The following CYP27A1 variants were observed in gnomAD, a reference collection of about 807,000 sequenced individuals.
CYP27A1 encodes sterol 26-hydroxylase, mitochondrial.
In CYP27A1, 46 loss-of-function variants were observed where a neutral mutation model predicts 58.2. The observed-to-expected ratio is 0.79, with a 90% CI of 0.62 to 1.01. The LOEUF (loss-of-function observed/expected upper bound fraction) is 1.01, where lower values mean the gene tolerates loss of function less well. Ranked by LOEUF, CYP27A1 falls within the 50% of genes least tolerant of loss-of-function variation. The probability of loss-of-function intolerance (pLI) is 0.00; values close to 1 mark genes in which losing one functional copy is unlikely to be tolerated. For missense variants in CYP27A1, 704 were observed against 687.0 expected (o/e 1.02, Z -0.28); for synonymous variants, 274 against 285.1 (o/e 0.96, Z 0.39).
In CYP27A1 at chr2:218,802,331, T is replaced by TTA. The variant is rs1553615528; in HGVS notation, c.256-7246_256-7245insTA. 5.4e-5 allele frequency among the ~76,000 whole-genome samples: 8 copies of TTA among 147,240 alleles called. No homozygotes were observed. The South Asian group carries it at 8.7e-4, about 16-fold the overall frequency. On this transcript the variant is annotated intron_variant, in intron 1 of 8. Coordinates refer to ENST00000258415, the MANE Select transcript of CYP27A1 (RefSeq NM_000784.4). ...CCTTGCTGAGAATTAAAAAGAAAAT[T>TTA]AAAAAAAAAAAAGACTAGGTTAAGA...
intron 1 of CYP27A1, among the ~76,000 whole-genome samples, chr2:218,803,722 CTTTTTTTTTTTTTTTT>C (rs71040407): frequency 1.7e-5 from 1 of 57,750 alleles, no homozygotes; most frequent in African/African-American, 8.4e-5. Flanking sequence ...GTGCCCCCGT[CTTTTTTTTTTTTTTTT>C]TTTTTTTTTT....
In CYP27A1 at chr2:218,814,953, G is replaced by T; in HGVS notation, c.1519G>T (p.Glu507Ter). ...GGTGGTCCTGGCCCCGGAGACGGGG[G>T]AGTTGAAGAGTGTGGCCCGCATTGT... Reference protein sequence around the residue: ...YKVVLAPETGELKSVARIVLV... With the variant: ...YKVVLAPETG Residue 507 changes from glutamate to a stop codon, truncating the protein, a stop_gained, in exon 9 of 9, where the codon GAG (glutamate) becomes TAG (stop). Coordinates refer to ENST00000258415, the MANE Select transcript of CYP27A1 (RefSeq NM_000784.4). LOFTEE classifies it high-confidence loss of function. The T allele has an allele frequency of 6.2e-7, 1 of 1,614,232 alleles. No homozygotes were observed. Among genetic ancestry groups the T allele is most frequent in the East Asian group, 2.2e-5 (1 of 44,880 alleles).
intron 2 of CYP27A1, 48 bp downstream of exon 2, chr2:218,809,815 G>A: frequency 1.9e-6 from 3 of 1,570,340 alleles, no homozygotes; most frequent in Middle Eastern, 1.7e-4. Context: ...GAGGGCCAGG[G>A]CGAAAGACAG....
intron 1 of CYP27A1, among the ~76,000 whole-genome samples, chr2:218,788,051 T>C (rs1943456146): frequency 6.6e-6 from 1 of 152,240 alleles, no homozygotes; most frequent in African/African-American, 2.4e-5. Flanking sequence ...TATCTCTGCT[T>C]CATGATGGAG....
intron 1 of CYP27A1, among the ~76,000 whole-genome samples, chr2:218,789,674 A>C (rs998817675): frequency 2.6e-5 from 4 of 152,258 alleles, no homozygotes; most frequent in African/African-American, 7.2e-5. Flanking sequence ...TTAATATATA[A>C]GGAGGCAGCT....
intron 1 of CYP27A1, among the ~76,000 whole-genome samples, chr2:218,802,646 T>C (rs1418873846): frequency 6.6e-6 from 1 of 152,242 alleles, no homozygotes; most frequent in African/African-American, 2.4e-5. Flanking sequence ...CGATGTTTTC[T>C]TCGGAGGGCA....
intron 1 of CYP27A1, among the ~76,000 whole-genome samples, chr2:218,792,986 T>G (rs1943510796): frequency 6.6e-6 from 1 of 152,172 alleles, no homozygotes; most frequent in African/African-American, 2.4e-5. Flanking sequence ...ATGTCAAAGG[T>G]TTAAAACACT....
In CYP27A1 at chr2:218,782,792, T is replaced by C. The variant is rs1943406620; in HGVS notation, c.255+355T>C. On this transcript the variant is annotated intron_variant, in intron 1 of 8. Coordinates refer to ENST00000258415, the MANE Select transcript of CYP27A1 (RefSeq NM_000784.4). The surrounding 1 kb of genome is among the most constrained non-coding windows in gnomAD (Gnocchi z 4.1). ...TATTATGGAATCACTAATTCTGGGC[T>C]GATATTGGCTACCACAGACTTCTTC... 6.6e-6 allele frequency among the ~76,000 whole-genome samples: 1 copy of C among 152,178 alleles called. No homozygotes were observed. Among genetic ancestry groups the C allele is most frequent in the African/African-American group, 2.4e-5 (1 of 41,438 alleles).
intron 1 of CYP27A1, among the ~76,000 whole-genome samples, chr2:218,809,001 G>GAAAT (rs765125519): frequency 1.4e-4 from 21 of 151,926 alleles, no homozygotes; most frequent in African/African-American, 2.4e-4. Context: ...AAACTCATGG[G>GAAAT]AAATAAATAA....
At chr2:218,790,177 A>G (rs779526479) in intron 1 of CYP27A1, among the ~76,000 whole-genome samples, 2 of 152,162 alleles carry the variant, frequency 1.3e-5, no homozygotes, top group Non-Finnish European at 2.9e-5. Context: ...CAGTTACCTC[A>G]TTTTGTGTTT....
At chr2:218,785,556 C>A (rs1943433543) in intron 1 of CYP27A1, among the ~76,000 whole-genome samples, 1 of 151,990 alleles carries the variant, frequency 6.6e-6, no homozygotes, top group South Asian at 2.1e-4. Context: ...ATGTCTAGAG[C>A]AGTAACTAAC....
At chr2:218,810,680 T>A (rs1943703601) in intron 2 of CYP27A1, among the ~76,000 whole-genome samples, 1 of 152,230 alleles carries the variant, frequency 6.6e-6, no homozygotes, top group African/African-American at 2.4e-5. Context: ...CGATTCCTAC[T>A]GTTGAGAGAG....
At chr2:218,814,855 G>C in intron 8 of CYP27A1, 56 bp from the exon 9 acceptor site, 2 of 1,614,084 alleles carry the variant, frequency 1.2e-6, no homozygotes, top group Non-Finnish European at 1.7e-6. Flanking sequence ...GTGCAGAGCG[G>C]GGAGTGGATG....
chr2:218,784,241 G>C (rs1261487513), intron 1 of CYP27A1, among the ~76,000 whole-genome samples: 2 of 152,146 alleles, frequency 1.3e-5, no homozygotes, highest in Non-Finnish European at 2.9e-5. Context: ...TGAGACTTGG[G>C]GATGTGAAAA....
chr2:218,796,164 G>A lies in CYP27A1; in HGVS notation c.256-13413G>A, dbSNP rs977144759. On this transcript the variant is annotated intron_variant, in intron 1 of 8. Transcript: ENST00000258415. ...GGGGCTTTTATTGGCTTGGCAAGTC[G>A]AGCTTGACTCCTTAAAGGGAAGCAT... 2.0e-4 allele frequency among the ~76,000 whole-genome samples: 31 copies of A among 152,242 alleles called. No homozygotes were observed. In the East Asian group the frequency reaches 2.1e-3, roughly 10 times the overall value.
intron 1 of CYP27A1, among the ~76,000 whole-genome samples, chr2:218,798,034 G>A (rs533758362): frequency 7.3e-5 from 11 of 151,648 alleles, no homozygotes; most frequent in South Asian, 2.1e-4. Flanking sequence ...ACAGAGTCTC[G>A]CCCTGTCACC....
At chr2:218,806,752 T>G (rs2105977625) in intron 1 of CYP27A1, among the ~76,000 whole-genome samples, 1 of 152,288 alleles carries the variant, frequency 6.6e-6, no homozygotes, top group East Asian at 1.9e-4. Flanking sequence ...TGGGCCTCAG[T>G]TTCCTCATCG....
intron 1 of CYP27A1, among the ~76,000 whole-genome samples, chr2:218,792,890 G>T (rs1421959754): frequency 6.6e-6 from 1 of 152,076 alleles, no homozygotes; most frequent in Non-Finnish European, 1.5e-5. Flanking sequence ...GGATGCTTCA[G>T]GGAACCTCTG....
At chr2:218,799,167 C>T (rs1009267830) in intron 1 of CYP27A1, among the ~76,000 whole-genome samples, 1 of 152,100 alleles carries the variant, frequency 6.6e-6, no homozygotes, top group African/African-American at 2.4e-5. Flanking sequence ...CTTGGTGCTG[C>T]CCACCCCTCC....
Sources: allele counts gnomAD v4.1 joint callset (sites outside exome capture counted in the v4.1 genomes callset), GRCh38; gene constraint gnomAD v4.1.1; non-coding constraint Gnocchi (gnomAD v3.1); transcripts MANE v1.5; gene names NCBI Gene and HGNC (gene_info 2026-07-23, HGNC 2026-07-21).